The following RASGRF1 variants were observed in gnomAD, a reference collection of about 807,000 sequenced individuals.
RASGRF1 encodes the protein Ras protein specific guanine nucleotide releasing factor 1.
RASGRF1 carries 40 observed loss-of-function variants against 138.7 expected under a neutral mutation model. The ratio of observed to expected loss-of-function variants is 0.29; its 90% CI spans 0.22 to 0.38. The LOEUF (loss-of-function observed/expected upper bound fraction) is 0.38, where lower values mean the gene tolerates loss of function less well. RASGRF1 is among the 10% of genes least tolerant of loss of function. The pLI, the probability that RASGRF1 is intolerant of heterozygous loss-of-function variation, is 1.00. For missense variants in RASGRF1, 1,108 were observed against 1,650.4 expected (o/e 0.67, Z 5.69); for synonymous variants, 614 against 663.2 (o/e 0.93, Z 1.14).
At chr15:78,978,857 G>T (rs1470110402) in intron 24 of RASGRF1, 1 of 1,188,882 alleles carries the variant, frequency 8.4e-7, no homozygotes, top group Admixed American at 3.5e-5. Flanking sequence ...AAAGCTCTTA[G>T]CTTCCAGAGG....
In RASGRF1 at chr15:78,973,179, G is replaced by A; in HGVS notation, c.3612+124C>T. On this transcript the variant is annotated intron_variant, in intron 25 of 26. Transcript: ENST00000558480. This position sits in a 1 kb window ranked among gnomAD's most constrained non-coding sequence, Gnocchi z 4.9. ...CTGTCATTGGGGAAGCTGGACCCAG[G>A]CTCCCAAATGGGGGCACCCTATGCA... 1 of 713,150 alleles carries A rather than the reference G, an allele frequency of 1.4e-6. No individual in the cohort carries two copies. The highest frequency in any genetic ancestry group is 2.4e-6 in the Non-Finnish European group (1 of 421,798). The allele number at this position is 713,150 out of a possible 1,614,324, so 44.2% of individuals were successfully genotyped here.
rs2055803158 is a variant in RASGRF1 at position 78,973,133 on chromosome 15, G to A, written c.3612+170C>T. Among the ~76,000 whole-genome samples, 1 of 152,184 alleles carries A rather than the reference G, an allele frequency of 6.6e-6. No individual in the cohort carries two copies. The highest frequency in any genetic ancestry group is 2.1e-4 in the South Asian group (1 of 4,834). ...GCTCAGGGCCTGCCAGATTCTAACT[G>A]CTCATCAATGATAGTGATGGCTGTC... On this transcript the variant is annotated intron_variant, in intron 25 of 26. Coordinates refer to ENST00000558480, the MANE Select transcript of RASGRF1 (RefSeq NM_001145648.3). The surrounding 1 kb of genome is among the most constrained non-coding windows in gnomAD (Gnocchi z 4.9).
intron 1 of RASGRF1, among the ~76,000 whole-genome samples, chr15:79,078,905 G>A (rs2057876131): frequency 6.6e-6 from 1 of 152,260 alleles, no homozygotes; most frequent in African/African-American, 2.4e-5. Flanking sequence ...GACCTCCTGG[G>A]TGCCATGCTA....
chr15:78,965,921 G>A (rs1245082221), intron 26 of RASGRF1, among the ~76,000 whole-genome samples: 3 of 152,112 alleles, frequency 2.0e-5, no homozygotes, highest in Non-Finnish European at 2.9e-5. Context: ...TGGCTTCGCC[G>A]GGATTTGAAC....
chr15:78,966,410 T>C (rs2055645942), intron 26 of RASGRF1, among the ~76,000 whole-genome samples: 2 of 150,904 alleles, frequency 1.3e-5, no homozygotes, highest in Non-Finnish European at 2.9e-5. Context: ...CTAATGTTTT[T>C]ATTTTTTTGT....
At chr15:79,021,786 C>G (rs1210978511) in intron 10 of RASGRF1, among the ~76,000 whole-genome samples, 2 of 152,150 alleles carry the variant, frequency 1.3e-5, no homozygotes, top group East Asian at 3.8e-4. Flanking sequence ...ATGGTAGTAT[C>G]CGTCTCAGTG....
At chr15:79,030,819 G>C (rs1304882909) in intron 8 of RASGRF1, among the ~76,000 whole-genome samples, 1 of 152,208 alleles carries the variant, frequency 6.6e-6, no homozygotes, top group Non-Finnish European at 1.5e-5. Flanking sequence ...ACAGTCATCT[G>C]CTGCCTGGGG....
At chr15:78,986,230 A>G (rs2141642820) in intron 22 of RASGRF1, among the ~76,000 whole-genome samples, 1 of 152,192 alleles carries the variant, frequency 6.6e-6, no homozygotes, top group Non-Finnish European at 1.5e-5. Context: ...TTGGATCTGG[A>G]GCAGCTGGGG....
chr15:79,090,365 G>A lies in RASGRF1; in HGVS notation c.134C>T (p.Ala45Val), dbSNP rs1282543870. The A allele has an allele frequency of 1.2e-6, 2 of 1,613,734 alleles. No homozygotes were observed. Among genetic ancestry groups the A allele is most frequent in the Non-Finnish European group, 8.5e-7 (1 of 1,179,998 alleles). ...DNTKWQTKWF[A>V]LLQNLLFYFE... is the part of the protein sequence containing the mutation. ...GTAGAAGAGCAGGTTCTGCAGCAGC[G>A]CGAACCACTTGGTTTGCCATTTTGT... Residue 45 changes from alanine to valine, a missense_variant, in exon 1 of 27, where the codon GCG (alanine) becomes GTG (valine). Coordinates refer to ENST00000558480, the MANE Select transcript of RASGRF1 (RefSeq NM_001145648.3).
In RASGRF1 at chr15:79,027,644, C is replaced by G. The variant is rs575774517; in HGVS notation, c.1381+97G>C. 8.2e-6 allele frequency: 9 copies of G among 1,097,394 alleles called. No individual in the cohort carries two copies. The South Asian group carries it at 1.1e-4, about 14-fold the overall frequency. 68.0% of individuals were successfully genotyped at this position (1,097,394 alleles called of 1,614,324 possible). A position where few individuals can be genotyped will look rare whatever the true frequency, so the allele number is the denominator to read the frequency against. ...CACATTGGCAGGTCTTGGCATGTGGCAGCCAAACCAACTGGTGGCGTCCCC... is the reference window on the plus strand; with the variant it reads ...CACATTGGCAGGTCTTGGCATGTGGGAGCCAAACCAACTGGTGGCGTCCCC... On this transcript the variant is annotated intron_variant, in intron 9 of 26. Transcript: ENST00000558480. This position sits in a 1 kb window ranked among gnomAD's most constrained non-coding sequence, Gnocchi z 4.8.
At chr15:79,020,428 G>A (rs1265108271) in intron 10 of RASGRF1, among the ~76,000 whole-genome samples, 3 of 152,228 alleles carry the variant, frequency 2.0e-5, no homozygotes, top group South Asian at 2.1e-4. Context: ...CAGCTCCAGG[G>A]CATCGCTTCA....
In RASGRF1 at chr15:79,046,385, T is replaced by C. The variant is rs1467720610; in HGVS notation, c.878+361A>G. On this transcript the variant is annotated intron_variant, in intron 5 of 26. Transcript: ENST00000558480. This position sits in a 1 kb window ranked among gnomAD's most constrained non-coding sequence, Gnocchi z 5.3. ...GTTGATGGGGAACTGTCCTGCATAT[T>C]GTAGGATATTTAGCAGCACCTCTGG... is the stretch of plus-strand genomic sequence containing the variant. 6.6e-6 allele frequency among the ~76,000 whole-genome samples: 1 copy of C among 152,232 alleles called. No homozygotes were observed. Among genetic ancestry groups the C allele is most frequent in the African/African-American group, 2.4e-5 (1 of 41,458 alleles).
rs1263618349 is a variant in RASGRF1, at chr15:79,027,126, T to C, written c.1381+615A>G. 6.6e-6 allele frequency among the ~76,000 whole-genome samples: 1 copy of C among 152,102 alleles called. No homozygotes were observed. Among genetic ancestry groups the C allele is most frequent in the Non-Finnish European group, 1.5e-5 (1 of 68,024 alleles). On this transcript the variant is annotated intron_variant, in intron 9 of 26. Transcript: ENST00000558480. The surrounding 1 kb of genome is among the most constrained non-coding windows in gnomAD (Gnocchi z 4.8). Reference sequence around the variant, plus strand: ...TCTCCCACAAAACATGGAAGTTGAATGTGATGAATTTCAAATGCATTGCAG... The same window carrying C: ...TCTCCCACAAAACATGGAAGTTGAACGTGATGAATTTCAAATGCATTGCAG...
chr15:79,068,615 T>TAC lies in RASGRF1; in HGVS notation c.277-4091_277-4090dup, dbSNP rs141408068. ...ATATATTTATATATATGTGTATATA[T>TAC]ACACACACACACACGCTTTTATATC... On this transcript the variant is annotated intron_variant, in intron 1 of 26. Transcript: ENST00000558480. Among the ~76,000 whole-genome samples, 1,213 of 149,874 alleles carry TAC rather than the reference T, an allele frequency of 8.1e-3. 9 individuals carry two copies. Among genetic ancestry groups the TAC allele is most frequent in the African/African-American group, 0.027 (1,087 of 40,968 alleles).
At chr15:79,076,393 C>T (rs573788573) in intron 1 of RASGRF1, among the ~76,000 whole-genome samples, 4 of 152,242 alleles carry the variant, frequency 2.6e-5, no homozygotes, top group South Asian at 4.1e-4. Flanking sequence ...GGAGGAGCAA[C>T]GTGGTTGTTG....
rs1037254180 is a variant in RASGRF1, at chr15:79,006,572, A to T, written c.1827-138T>A. ...TATTAAGAGAACAAGCTTGGGAAGG[A>T]TGACACTGAAGGAGGGCTACAACTT... On this transcript the variant is annotated intron_variant, in intron 13 of 26. Coordinates refer to ENST00000558480, the MANE Select transcript of RASGRF1 (RefSeq NM_001145648.3). The surrounding 1 kb of genome is among the most constrained non-coding windows in gnomAD (Gnocchi z 4.0). The T allele has an allele frequency of 6.4e-6, 7 of 1,086,578 alleles. No individual in the cohort carries two copies. The highest frequency in any genetic ancestry group is 5.5e-5 in the Admixed American group (2 of 36,202). The allele number at this position is 1,086,578 out of a possible 1,614,324, so 67.3% of individuals were successfully genotyped here. A position where few individuals can be genotyped will look rare whatever the true frequency, so the allele number is the denominator to read the frequency against.
intron 5 of RASGRF1, among the ~76,000 whole-genome samples, chr15:79,039,128 C>T (rs980907372): frequency 1.3e-4 from 19 of 146,514 alleles, no homozygotes; most frequent in African/African-American, 1.3e-4. Flanking sequence ...AGGGAGACCC[C>T]GTCTCTACAA....
intron 12 of RASGRF1, among the ~76,000 whole-genome samples, chr15:79,016,325 AC>A (rs1221924178): frequency 6.6e-6 from 1 of 152,102 alleles, no homozygotes; most frequent in Admixed American, 6.5e-5. Context: ...CAAGGCCACG[AC>A]CCCAAAGAGG....
At chr15:79,071,856 G>C (rs956323325) in intron 1 of RASGRF1, among the ~76,000 whole-genome samples, 4 of 152,000 alleles carry the variant, frequency 2.6e-5, no homozygotes, top group Admixed American at 2.6e-4. Context: ...TCCCTTTCTT[G>C]GCTCCCTCCT....
Sources: gnomAD v4.1 joint callset for allele counts (sites outside exome capture counted in the v4.1 genomes callset) on GRCh38, gnomAD v4.1.1 for gene constraint, Gnocchi (gnomAD v3.1) non-coding constraint, MANE v1.5 for transcripts, NCBI Gene and HGNC (gene_info 2026-07-23, HGNC 2026-07-21) for gene names.